The following KDM5B variants were observed in gnomAD, a reference collection of about 807,000 sequenced individuals.
The protein encoded by KDM5B is lysine demethylase 5B, also known as lysine-specific demethylase 5B.
A neutral mutation model predicts 193.4 loss-of-function variants in KDM5B; 144 were observed. That is an observed-to-expected ratio of 0.74 (90% CI 0.65 to 0.86). The LOEUF is 0.86. Among genes scored for constraint, KDM5B ranks in the 40% least tolerant of loss-of-function variants. The pLI, the probability that KDM5B is intolerant of heterozygous loss-of-function variation, is 0.00. For missense variants in KDM5B, 1,833 were observed against 1,886.9 expected, an observed-to-expected ratio of 0.97 and a Z score of 0.53; for synonymous variants, 668 against 682.6, an observed-to-expected ratio of 0.98 and a Z score of 0.33.
rs368672849 is a variant in KDM5B, at chr1:202,745,913, G to A, written c.2268C>T (p.Asn756=). ...NALKLRAESY[N]EWALNVNEAL... is the part of the protein sequence containing the mutation. ...CTTCATTCACATTCAAGGCCCATTC[G>A]TTGTAAGATTCTGCTCGAAGCTTCA... Residue 756 remains asparagine, a synonymous_variant, in exon 16 of 27, where the codon AAC becomes AAT. Transcript: ENST00000367265. 3.3e-5 allele frequency: 54 copies of A among 1,613,758 alleles called. No individual in the cohort carries two copies. The highest frequency in any genetic ancestry group is 6.7e-5 in the African/African-American group (5 of 74,896).
chr1:202,733,674 G>C lies in KDM5B; in HGVS notation c.3636C>G (p.Gly1212=), dbSNP rs766146782. The change falls in exon 23 of 27, where the codon GGC becomes GGG. Residue 1212 remains glycine (G), a synonymous_variant. Coordinates refer to ENST00000367265, the MANE Select transcript of KDM5B (RefSeq NM_006618.5). ...AATGGGGACAAAGCCAGATTCGCAG[G>C]CCCTGTGAAATACTGGGTACCGCCA... is the stretch of plus-strand genomic sequence containing the variant. The part of the protein sequence containing the change: ...SCVAVPSISQ[G]LRIWLCPHCR... The C allele has an allele frequency of 6.2e-7, 1 of 1,614,130 alleles. No homozygotes were observed. Among genetic ancestry groups the C allele is most frequent in the Non-Finnish European group, 8.5e-7 (1 of 1,180,022 alleles).
At chr1:202,751,178 C>T (rs187422672) in intron 12 of KDM5B, among the ~76,000 whole-genome samples, 11 of 152,280 alleles carry the variant, frequency 7.2e-5, no homozygotes, top group Admixed American at 2.6e-4. Flanking sequence ...TCATTTGGAA[C>T]TCAAACTTAC....
intron 20 of KDM5B, among the ~76,000 whole-genome samples, chr1:202,739,409 C>A (rs1655215337): frequency 6.6e-6 from 1 of 151,308 alleles, no homozygotes; most frequent in Admixed American, 6.6e-5. Flanking sequence ...CAAGATCCAA[C>A]GTATTATTCT....
At chr1:202,752,843 A>G (rs969139174) in intron 12 of KDM5B, 62 bp downstream of exon 12, 24 of 1,476,534 alleles carry the variant, frequency 1.6e-5, no homozygotes, top group Non-Finnish European at 2.2e-5. Flanking sequence ...AAAGTGAATA[A>G]AAAGGAAAAA....
intron 1 of KDM5B, 38 bp downstream of exon 1, chr1:202,808,064 C>A: frequency 1.3e-6 from 2 of 1,597,132 alleles, no homozygotes; most frequent in Non-Finnish European, 1.7e-6. Flanking sequence ...CTCCCTCCCC[C>A]AGCCACGAGC....
At position 202,755,301 on chromosome 1, in the gene KDM5B, T is replaced by C. The variant is rs762532968; in HGVS notation, c.1508A>G (p.His503Arg). ...CAAGTAGTTAATTGAATAGCTCCAG[T>C]GGTCTTCAATGTGCCAACAGAATGA... ...FSSFCWHIED[H>R]WSYSINYLHW... The change falls in exon 11 of 27, where the codon CAC (histidine) becomes CGC (arginine). Residue 503 changes from histidine to arginine, a missense_variant. By Grantham distance (29) the His-to-Arg change is conservative. Coordinates refer to ENST00000367265, the MANE Select transcript of KDM5B (RefSeq NM_006618.5). 6.2e-7 allele frequency: 1 copy of C among 1,614,154 alleles called. No homozygotes were observed. The highest frequency in any genetic ancestry group is 8.5e-7 in the Non-Finnish European group (1 of 1,179,982).
In KDM5B at chr1:202,766,802, C is replaced by G. The variant is rs955002413; in HGVS notation, c.711+124G>C. On this transcript the variant is annotated intron_variant, in intron 5 of 26. Transcript: ENST00000367265. ...TAAAAGCTGGAATACAAACAGCATC[C>G]CTTTGTGAGATTAACAAGGTTCAAA... The G allele has an allele frequency of 2.8e-6, 3 of 1,055,168 alleles. No individual in the cohort carries two copies. In the East Asian group the frequency reaches 7.7e-5, roughly 27 times the overall value. 65.4% of individuals were successfully genotyped at this position (1,055,168 alleles called of 1,614,324 possible).
chr1:202,804,405 G>A (rs1050102576), intron 1 of KDM5B, among the ~76,000 whole-genome samples: 1 of 152,028 alleles, frequency 6.6e-6, no homozygotes, highest in African/African-American at 2.4e-5. Context: ...ACAGAGAGAG[G>A]GTTAGGCCTA....
chr1:202,773,581 ATC>A (rs1408744529), intron 3 of KDM5B, among the ~76,000 whole-genome samples: 1 of 152,100 alleles, frequency 6.6e-6, no homozygotes, highest in Non-Finnish European at 1.5e-5. Flanking sequence ...CTAAAACTAA[ATC>A]TCTACCAAAG....
At chr1:202,741,771 T>C (rs996123564) in intron 18 of KDM5B, 49 bp from the exon 19 acceptor site, 5 of 1,065,712 alleles carry the variant, frequency 4.7e-6, no homozygotes, top group Admixed American at 2.1e-5. Flanking sequence ...ATTTCAGTAA[T>C]TGGCTTCTTT....
At chr1:202,778,396 G>A (rs962722342) in intron 1 of KDM5B, among the ~76,000 whole-genome samples, 3 of 152,136 alleles carry the variant, frequency 2.0e-5, no homozygotes, top group African/African-American at 7.2e-5. Flanking sequence ...GTATAAAAAT[G>A]TGTTAATAGG....
chr1:202,767,924 T>TA (rs926187168), intron 4 of KDM5B, among the ~76,000 whole-genome samples: 12 of 151,328 alleles, frequency 7.9e-5, no homozygotes, highest in Non-Finnish European at 1.5e-4. Context: ...GTGTTCGGAA[T>TA]AAAAAAAAAT....
chr1:202,808,409 G>A lies in KDM5B; in HGVS notation c.-104C>T, dbSNP rs867824923. 1 of 1,079,364 alleles carries A rather than the reference G, an allele frequency of 9.3e-7. No homozygotes were observed. The highest frequency in any genetic ancestry group is 1.3e-6 in the Non-Finnish European group (1 of 772,226). 66.9% of individuals were successfully genotyped at this position (1,079,364 alleles called of 1,614,324 possible). A position where few individuals can be genotyped will look rare whatever the true frequency, so the allele number is the denominator to read the frequency against. On this transcript the variant is annotated 5_prime_UTR_variant, in exon 1 of 27. Transcript: ENST00000367265. ...GCAGACGCGGCTCGAGCAACAGCAA[G>A]TCCGAGTTGTACGGGCAACGGCAGC...
At chr1:202,791,112 T>C (rs1324045594) in intron 1 of KDM5B, among the ~76,000 whole-genome samples, 4 of 152,204 alleles carry the variant, frequency 2.6e-5, no homozygotes, top group Non-Finnish European at 4.4e-5. Flanking sequence ...CCCTATGATA[T>C]ATTTCAGACT....
chr1:202,766,136 G>C (rs1393881086), intron 5 of KDM5B, among the ~76,000 whole-genome samples: 1 of 151,930 alleles, frequency 6.6e-6, no homozygotes, highest in Non-Finnish European at 1.5e-5. Flanking sequence ...TATCACCTGA[G>C]CCTGGGAGTT....
intron 1 of KDM5B, among the ~76,000 whole-genome samples, chr1:202,798,106 G>T (rs1437467938): frequency 6.6e-6 from 1 of 152,190 alleles, no homozygotes; most frequent in Admixed American, 6.5e-5. Context: ...GGCTGAGGTG[G>T]AAGGATGACT....
At chr1:202,802,258 A>G (rs926252653) in intron 1 of KDM5B, among the ~76,000 whole-genome samples, 11 of 152,178 alleles carry the variant, frequency 7.2e-5, no homozygotes, top group Admixed American at 3.3e-4. Flanking sequence ...TCTACAGCCA[A>G]CCTTAATGGG....
At chr1:202,756,805 G>A (rs1482005407) in intron 9 of KDM5B, among the ~76,000 whole-genome samples, 1 of 152,162 alleles carries the variant, frequency 6.6e-6, no homozygotes, top group East Asian at 1.9e-4. Flanking sequence ...AGTAATAATG[G>A]TTAGTTGTGT....
chr1:202,740,907 T>A, intron 19 of KDM5B, 95 bp from the exon 20 acceptor site: 2 of 1,269,654 alleles, frequency 1.6e-6, no homozygotes, highest in Non-Finnish European at 1.1e-6. Context: ...GGAAATTCAG[T>A]ATGGCAAATA....
Sources: allele counts gnomAD v4.1 joint callset (sites outside exome capture counted in the v4.1 genomes callset), GRCh38; gene constraint gnomAD v4.1.1; transcripts MANE v1.5; gene names NCBI Gene and HGNC (gene_info 2026-07-23, HGNC 2026-07-21).